Variants in PAK5 observed in about 807,000 individuals in gnomAD.
PAK5 encodes the protein serine/threonine-protein kinase PAK 5.
A neutral mutation model predicts 65.9 loss-of-function variants in PAK5; 16 were observed. That is an observed-to-expected ratio of 0.24 (90% CI 0.16 to 0.37). The LOEUF (loss-of-function observed/expected upper bound fraction) is 0.37. Among genes scored for constraint, PAK5 ranks in the 10% least tolerant of loss-of-function variants. The pLI, the probability that PAK5 is intolerant of heterozygous loss-of-function variation, is 1.00. For missense variants in PAK5, 785 were observed against 903.9 expected (o/e 0.87, Z 1.69); for synonymous variants, 371 against 354.9 (o/e 1.05, Z -0.51).
chr20:9,700,844 A>G (rs900789116), intron 2 of PAK5, among the ~76,000 whole-genome samples: 1 of 152,050 alleles, frequency 6.6e-6, no homozygotes, highest in Admixed American at 6.6e-5. Flanking sequence ...CGCCCCAAAC[A>G]TGTTTTGTTC....
chr20:9,829,773 G>A (rs1978561549), intron 1 of PAK5, among the ~76,000 whole-genome samples: 1 of 152,162 alleles, frequency 6.6e-6, no homozygotes, highest in South Asian at 2.1e-4. Flanking sequence ...TAATTTAAAT[G>A]TGTTATATCT....
At chr20:9,732,400 A>G (rs993113778) in intron 1 of PAK5, among the ~76,000 whole-genome samples, 10 of 152,304 alleles carry the variant, frequency 6.6e-5, no homozygotes, top group South Asian at 2.1e-4. Context: ...TTCTGATGAT[A>G]TATTATGCAT....
At chr20:9,590,624 A>G (rs115611019) in intron 3 of PAK5, among the ~76,000 whole-genome samples, 48,144 of 150,768 alleles carry the variant, frequency 0.32, 9,634 homozygotes, top group African/African-American at 0.58. Flanking sequence ...TGTGCCAAAA[A>G]AAAAAAAAAA....
chr20:9,622,362 A>G (rs751402345), intron 3 of PAK5, among the ~76,000 whole-genome samples: 11 of 152,238 alleles, frequency 7.2e-5, no homozygotes, highest in Admixed American at 6.5e-5. Context: ...GTCATCCTCA[A>G]CATATTTCCA....
chr20:9,808,583 GAACCTTGAA>G lies in PAK5; in HGVS notation c.-162+30170_-162+30178del, dbSNP rs1194165140. ...TACTGATCCATGCTAGAACATGGATGAACCTTGAAAACATTATGCTAAGTGAAAGAAGCG... is the reference window on the plus strand; with the variant it reads ...TACTGATCCATGCTAGAACATGGATGAACATTATGCTAAGTGAAAGAAGCG... On this transcript the variant is annotated intron_variant, in intron 1 of 9. Coordinates refer to ENST00000353224, the MANE Select transcript of PAK5 (RefSeq NM_177990.4). Among the ~76,000 whole-genome samples, 3 of 152,274 alleles carry G rather than the reference GAACCTTGAA, an allele frequency of 2.0e-5. No homozygotes were observed. The East Asian group carries it at 5.8e-4, about 29-fold the overall frequency.
intron 1 of PAK5, among the ~76,000 whole-genome samples, chr20:9,824,278 G>A (rs2049459246): frequency 6.6e-6 from 1 of 152,224 alleles, no homozygotes; most frequent in South Asian, 2.1e-4. Context: ...GGAAGGCCGT[G>A]TGTGGTGGCT....
chr20:9,721,641 G>A (rs977723843), intron 1 of PAK5, among the ~76,000 whole-genome samples: 1 of 110,256 alleles, frequency 9.1e-6, no homozygotes, highest in African/African-American at 3.6e-5. Flanking sequence ...GTGACAGAGC[G>A]AGACTCCATC....
chr20:9,680,712 T>G (rs2047638161), intron 2 of PAK5, among the ~76,000 whole-genome samples: 1 of 152,110 alleles, frequency 6.6e-6, no homozygotes. Context: ...TATAGACATG[T>G]AGAGGAATGT....
chr20:9,774,423 T>A (rs1426118104), intron 1 of PAK5, among the ~76,000 whole-genome samples: 1 of 152,206 alleles, frequency 6.6e-6, no homozygotes, highest in Admixed American at 6.5e-5. Context: ...CATACATTGC[T>A]GATGGGAGTA....
intron 2 of PAK5, among the ~76,000 whole-genome samples, chr20:9,680,440 A>T (rs1378678823): frequency 6.6e-6 from 1 of 152,188 alleles, no homozygotes; most frequent in Non-Finnish European, 1.5e-5. Flanking sequence ...TATTTCCAAC[A>T]GGTTACTACT....
At chr20:9,743,121 G>A (rs1164160786) in intron 1 of PAK5, among the ~76,000 whole-genome samples, 4 of 152,132 alleles carry the variant, frequency 2.6e-5, no homozygotes, top group Admixed American at 6.5e-5. Context: ...TTATCCCAGC[G>A]CCTTGGGAAG....
intron 2 of PAK5, among the ~76,000 whole-genome samples, chr20:9,673,959 T>C (rs1384057504): frequency 1.3e-5 from 2 of 152,178 alleles, no homozygotes; most frequent in Admixed American, 6.5e-5. Context: ...ACTGGGCTAA[T>C]TGGAAACATG....
chr20:9,727,369 T>G (rs2123540954), intron 1 of PAK5, among the ~76,000 whole-genome samples: 1 of 152,266 alleles, frequency 6.6e-6, no homozygotes, highest in East Asian at 1.9e-4. Flanking sequence ...AAGTTAACCT[T>G]CTTCATTTGG....
At chr20:9,684,658 A>G (rs1032166436) in intron 2 of PAK5, among the ~76,000 whole-genome samples, 1 of 151,900 alleles carries the variant, frequency 6.6e-6, no homozygotes, top group African/African-American at 2.4e-5. Flanking sequence ...TTTTTTTTCT[A>G]TTCTCCACTT....
chr20:9,607,657 A>C (rs973510052), intron 3 of PAK5, among the ~76,000 whole-genome samples: 4 of 152,020 alleles, frequency 2.6e-5, no homozygotes, highest in Non-Finnish European at 5.9e-5. Context: ...GTATCTACAA[A>C]AAATATTTTA....
At chr20:9,611,318 A>G (rs977407664) in intron 3 of PAK5, among the ~76,000 whole-genome samples, 1 of 152,192 alleles carries the variant, frequency 6.6e-6, no homozygotes, top group Admixed American at 6.5e-5. Context: ...CAGAACATAA[A>G]GTCCTGTTGT....
intron 1 of PAK5, among the ~76,000 whole-genome samples, chr20:9,807,791 A>ATAATAATAATAATAT (rs1555929887): frequency 2.7e-5 from 4 of 150,480 alleles, no homozygotes; most frequent in African/African-American, 9.7e-5. Context: ...AATAATAATA[A>ATAATAATAATAATAT]ATCCAGTGCA....
chr20:9,827,240 T>C (rs1221372684), intron 1 of PAK5, among the ~76,000 whole-genome samples: 2 of 152,242 alleles, frequency 1.3e-5, no homozygotes, highest in African/African-American at 4.8e-5. Flanking sequence ...AAACAGAACT[T>C]TTCTTATCTG....
rs201752559 is a variant in PAK5 at position 9,684,686 on chromosome 20, G to A, written c.-12+26600C>T. Among the ~76,000 whole-genome samples, 9 of 152,138 alleles carry A rather than the reference G, an allele frequency of 5.9e-5. No homozygotes were observed. In the East Asian group the frequency reaches 1.7e-3, roughly 29 times the overall value. ...CTCCACTTCAATCAAAAAAACTAAT[G>A]ACCAAACTGATTACACTCATTCCTG... is the stretch of plus-strand genomic sequence containing the variant. On this transcript the variant is annotated intron_variant, in intron 2 of 9. Coordinates refer to ENST00000353224, the MANE Select transcript of PAK5 (RefSeq NM_177990.4).
Sources: gnomAD v4.1 joint callset for allele counts (sites outside exome capture counted in the v4.1 genomes callset) on GRCh38, gnomAD v4.1.1 for gene constraint, MANE v1.5 for transcripts, NCBI Gene and HGNC (gene_info 2026-07-23, HGNC 2026-07-21) for gene names.